MYT1L: variants seen among roughly 807,000 people sequenced by gnomAD.
MYT1L encodes myelin transcription factor 1 like.
Under a neutral mutation model 126.7 loss-of-function variants are expected in MYT1L, and 12 were observed. That is an observed-to-expected ratio of 0.09 (90% CI 0.06 to 0.15). MYT1L has a LOEUF of 0.15. MYT1L is among the 10% of genes least tolerant of loss of function. The pLI is 1.00. For synonymous variants in MYT1L, 541 were observed against 604.2 expected (o/e 0.90, Z 1.53); for missense variants, 979 against 1,585.2 (o/e 0.62, Z 6.49).
Position 1,891,734 on chromosome 2 carries a change from C to T in MYT1L, c.2283+303G>A, listed in dbSNP as rs115320178. On this transcript the variant is annotated intron_variant, in intron 15 of 24. Coordinates refer to ENST00000647738, the MANE Select transcript of MYT1L (RefSeq NM_001303052.2). ...GTCACTGGAGACCACAGGAGGCCCA[C>T]GTGGTGTCCTTTGTTTACAGAAATG... is the stretch of plus-strand genomic sequence containing the variant. 1.7e-3 allele frequency among the ~76,000 whole-genome samples: 263 copies of T among 152,264 alleles called. 1 individual carries two copies. The highest frequency in any genetic ancestry group is 5.7e-3 in the African/African-American group (236 of 41,550).
chr2:2,261,871 T>C (rs2094976998), intron 2 of MYT1L, among the ~76,000 whole-genome samples: 1 of 152,198 alleles, frequency 6.6e-6, no homozygotes, highest in African/African-American at 2.4e-5. Context: ...CATCCTTCAT[T>C]TCTTAAAAGA....
intron 5 of MYT1L, among the ~76,000 whole-genome samples, chr2:1,992,508 C>T (rs1055542926): frequency 3.3e-5 from 5 of 152,212 alleles, no homozygotes; most frequent in African/African-American, 7.2e-5. Flanking sequence ...CGGGAATTCT[C>T]GGGCATAAGA....
intron 18 of MYT1L, among the ~76,000 whole-genome samples, chr2:1,881,708 G>C (rs867783131): frequency 4.6e-5 from 7 of 152,212 alleles, no homozygotes; most frequent in Middle Eastern, 3.4e-3. Flanking sequence ...GGCCACCACT[G>C]GGCGGGTCTC....
chr2:1,838,482 C>T (rs1260556222), intron 21 of MYT1L, among the ~76,000 whole-genome samples: 1 of 152,140 alleles, frequency 6.6e-6, no homozygotes, highest in African/African-American at 2.4e-5. Flanking sequence ...GCCTTCACAT[C>T]GTACATGTGA....
In MYT1L at chr2:1,902,884, C is replaced by G. The variant is rs899058881; in HGVS notation, c.2032+196G>C. 8.6e-6 allele frequency: 5 copies of G among 582,876 alleles called. No homozygotes were observed. The African/African-American group carries it at 9.3e-5, about 11-fold the overall frequency. The allele number at this position is 582,876 out of a possible 1,614,324, so 36.1% of individuals were successfully genotyped here. A position where few individuals can be genotyped will look rare whatever the true frequency, so the allele number is the denominator to read the frequency against. ...GAGGGGAAACCATCTCCTTCCTTCCCCTGAAGTTTTGCTCACCTACAGCTG... is the reference window on the plus strand; with the variant it reads ...GAGGGGAAACCATCTCCTTCCTTCCGCTGAAGTTTTGCTCACCTACAGCTG... On this transcript the variant is annotated intron_variant, in intron 14 of 24. Transcript: ENST00000647738.
intron 1 of MYT1L, among the ~76,000 whole-genome samples, chr2:2,289,508 A>G (rs2095568312): frequency 6.6e-6 from 1 of 152,216 alleles, no homozygotes; most frequent in Admixed American, 6.5e-5. Context: ...GCAAATATGT[A>G]AGCATAAAGC....
At chr2:1,878,344 A>T (rs554499099) in intron 18 of MYT1L, among the ~76,000 whole-genome samples, 5 of 152,346 alleles carry the variant, frequency 3.3e-5, no homozygotes, top group African/African-American at 1.2e-4. Flanking sequence ...AAAAATTATT[A>T]AACTGTTTGT....
chr2:1,789,528 G>A lies in MYT1L; in HGVS notation c.*2339C>T, dbSNP rs369354576. On this transcript the variant is annotated 3_prime_UTR_variant, in exon 25 of 25. Coordinates refer to ENST00000647738, the MANE Select transcript of MYT1L (RefSeq NM_001303052.2). ...TTTTGATTTGAGATTATGTACCAAC[G>A]TTAGATGAGCAGCAGGTTTGTGCTT... is the stretch of plus-strand genomic sequence containing the variant. 3.8e-4 allele frequency: 58 copies of A among 152,286 alleles called. No individual in the cohort carries two copies. The highest frequency in any genetic ancestry group is 1.3e-3 in the African/African-American group (52 of 41,554). 9.4% of individuals were successfully genotyped at this position (152,286 alleles called of 1,614,324 possible). A position where few individuals can be genotyped will look rare whatever the true frequency, so the allele number is the denominator to read the frequency against.
intron 2 of MYT1L, among the ~76,000 whole-genome samples, chr2:2,183,399 C>T (rs1205485588): frequency 6.6e-6 from 1 of 151,932 alleles, no homozygotes; most frequent in Non-Finnish European, 1.5e-5. Flanking sequence ...TGGGGCCAGG[C>T]GGTAGGAAGA....
chr2:1,835,008 C>G (rs113019851), intron 21 of MYT1L, among the ~76,000 whole-genome samples: 6 of 122,964 alleles, frequency 4.9e-5, no homozygotes, highest in South Asian at 2.5e-4. Flanking sequence ...GGTACTCCTC[C>G]ACATACCACG....
intron 1 of MYT1L, among the ~76,000 whole-genome samples, chr2:2,312,373 G>A (rs1000008964): frequency 2.0e-5 from 3 of 152,104 alleles, no homozygotes; most frequent in Non-Finnish European, 1.5e-5. Flanking sequence ...CACTTTGAGA[G>A]GCCGAGACAG....
intron 21 of MYT1L, among the ~76,000 whole-genome samples, chr2:1,814,173 G>A (rs556819773): frequency 6.6e-6 from 1 of 152,128 alleles, no homozygotes; most frequent in Non-Finnish European, 1.5e-5. Context: ...GAATTCCCCA[G>A]GCCAGCGATC....
At chr2:2,034,041 T>A (rs1006419756) in intron 4 of MYT1L, among the ~76,000 whole-genome samples, 2 of 152,140 alleles carry the variant, frequency 1.3e-5, no homozygotes, top group Non-Finnish European at 2.9e-5. Flanking sequence ...GGGCCTGGGT[T>A]CTCTCCAGAC....
At chr2:1,867,056 T>G (rs1344657968) in intron 18 of MYT1L, among the ~76,000 whole-genome samples, 1,891 of 28,908 alleles carry the variant, frequency 0.065, no homozygotes, top group Non-Finnish European at 0.078. Context: ...GGAGAGAGGG[T>G]TGGGGGAGAG....
intron 8 of MYT1L, among the ~76,000 whole-genome samples, chr2:1,976,078 A>T (rs1476747643): frequency 6.6e-6 from 1 of 151,726 alleles, no homozygotes; most frequent in Admixed American, 6.6e-5. Flanking sequence ...TTGTAACCTT[A>T]ACATAAACAC....
In MYT1L at chr2:2,137,811, A is replaced by T. The variant is rs148594838; in HGVS notation, c.-304+35061T>A. The stretch of plus-strand genomic sequence containing the variant: ...CTTCATGTCTGAAACACCAAAAGCA[A>T]TGGTAACAAAAGCCACAATTGACAA... On this transcript the variant is annotated intron_variant, in intron 3 of 24. Coordinates refer to ENST00000647738, the MANE Select transcript of MYT1L (RefSeq NM_001303052.2). Among the ~76,000 whole-genome samples, 934 of 152,322 alleles carry T rather than the reference A, an allele frequency of 6.1e-3. 3 individuals carry two copies. Among genetic ancestry groups the T allele is most frequent in the Non-Finnish European group, 0.01 (714 of 68,026 alleles).
chr2:2,044,262 T>C, intron 4 of MYT1L, among the ~76,000 whole-genome samples: 1 of 152,234 alleles, frequency 6.6e-6, no homozygotes, highest in African/African-American at 2.4e-5. Flanking sequence ...ACAATTTTAG[T>C]TACAATTAAA....
At chr2:2,021,916 G>T (rs2149834568) in intron 4 of MYT1L, among the ~76,000 whole-genome samples, 1 of 152,146 alleles carries the variant, frequency 6.6e-6, no homozygotes, top group East Asian at 1.9e-4. Flanking sequence ...AAAAAAAAGT[G>T]TAAGTTTACT....
At chr2:1,886,200 GATT>G (rs2048151642) in intron 18 of MYT1L, 2 of 204,580 alleles carry the variant, frequency 9.8e-6, no homozygotes, top group Non-Finnish European at 1.9e-5. Context: ...ATTAAATTTT[GATT>G]ATTTACAGTC....
Sources: allele counts gnomAD v4.1 joint callset (sites outside exome capture counted in the v4.1 genomes callset), GRCh38; gene constraint gnomAD v4.1.1; transcripts MANE v1.5; gene names NCBI Gene and HGNC (gene_info 2026-07-23, HGNC 2026-07-21).